GPHN: variants seen among roughly 807,000 people sequenced by gnomAD.
The protein encoded by GPHN is gephyrin.
Under a neutral mutation model 95.5 loss-of-function variants are expected in GPHN, and 17 were observed. The ratio of observed to expected loss-of-function variants is 0.18; its 90% CI spans 0.12 to 0.27. GPHN has a LOEUF of 0.27. Among genes scored for constraint, GPHN ranks in the 10% least tolerant of loss-of-function variants. GPHN has a pLI of 1.00. For synonymous variants in GPHN, 320 were observed against 322.5 expected (o/e 0.99, Z 0.08); for missense variants, 660 against 978.1 (o/e 0.67, Z 4.34).
chr14:67,681,155 G>A, the GPHN span, among the ~76,000 whole-genome samples: 1 of 152,182 alleles, frequency 6.6e-6, no homozygotes, highest in South Asian at 2.1e-4. Context: ...AAAAGAGGAA[G>A]AGACACCAGG....
intron 8 of GPHN, 109 bp from the exon 9 acceptor site, chr14:66,965,082 C>A: frequency 2.3e-6 from 2 of 886,112 alleles, no homozygotes; most frequent in Middle Eastern, 3.3e-4. Flanking sequence ...TAAGTGACAC[C>A]AAATATGTCA....
At chr14:67,670,031 G>A in the GPHN span, among the ~76,000 whole-genome samples, 1 of 152,198 alleles carries the variant, frequency 6.6e-6, no homozygotes, top group Admixed American at 6.5e-5. Context: ...GGAAGCCAAG[G>A]CTGCAGTGAG....
chr14:67,555,682 C>A, the GPHN span: 1 of 1,208,624 alleles, frequency 8.3e-7, no homozygotes, highest in Non-Finnish European at 1.2e-6. Flanking sequence ...AAATCCTTAC[C>A]CTGACACTCT....
chr14:67,311,043 G>A, the GPHN span, among the ~76,000 whole-genome samples: 1 of 152,138 alleles, frequency 6.6e-6, no homozygotes, highest in Admixed American at 6.5e-5. Flanking sequence ...CAGGCGTGGT[G>A]GCTCGTGTCT....
the GPHN span, chr14:67,340,609 T>C: frequency 3.6e-6 from 4 of 1,112,310 alleles, no homozygotes; most frequent in African/African-American, 4.7e-5. Context: ...TATTTTTTCC[T>C]AATTGTAAAA....
At chr14:66,584,847 C>T (rs1269072435) in intron 1 of GPHN, among the ~76,000 whole-genome samples, 1 of 152,052 alleles carries the variant, frequency 6.6e-6, no homozygotes, top group Non-Finnish European at 1.5e-5. Context: ...GTCTGAAATT[C>T]TCTTTTTTGG....
the GPHN span, among the ~76,000 whole-genome samples, chr14:67,427,544 G>A: frequency 6.6e-5 from 10 of 152,140 alleles, no homozygotes; most frequent in African/African-American, 2.2e-4. Context: ...ACCCCAGGTC[G>A]GCGGCCCAGG....
the GPHN span, among the ~76,000 whole-genome samples, chr14:67,328,118 A>G: frequency 1.3e-5 from 2 of 152,148 alleles, no homozygotes; most frequent in Non-Finnish European, 2.9e-5. Flanking sequence ...AAGTGTTCCT[A>G]TTTCTCCACA....
chr14:66,924,581 A>G (rs2153562429), intron 8 of GPHN, among the ~76,000 whole-genome samples: 2 of 152,324 alleles, frequency 1.3e-5, no homozygotes, highest in Admixed American at 1.3e-4. Context: ...TTTTTGTCTT[A>G]CCAATTTCAT....
At chr14:67,079,013 A>G (rs1260997552) in intron 11 of GPHN, among the ~76,000 whole-genome samples, 1 of 152,130 alleles carries the variant, frequency 6.6e-6, no homozygotes, top group Non-Finnish European at 1.5e-5. Flanking sequence ...CCTTAAATAT[A>G]GCAACCACTA....
chr14:67,398,171 G>C, the GPHN span: 3 of 182,618 alleles, frequency 1.6e-5, no homozygotes, highest in Admixed American at 1.9e-4. Flanking sequence ...TTTGCCTTCT[G>C]GTTTTTTAAA....
chr14:67,342,223 T>TTAAAA, the GPHN span, among the ~76,000 whole-genome samples: 1,144 of 93,316 alleles, frequency 0.012, 15 homozygotes, highest in African/African-American at 0.063. Context: ...TAAAATAAAA[T>TTAAAA]AAAAAAAAAC....
At chr14:66,764,440 G>GT (rs1027926305) in intron 2 of GPHN, among the ~76,000 whole-genome samples, 249 of 147,172 alleles carry the variant, frequency 1.7e-3, no homozygotes, top group African/African-American at 4.3e-3. Flanking sequence ...TATATGGTAG[G>GT]TTTTTTTTTT....
At chr14:67,463,048 C>A in the GPHN span, among the ~76,000 whole-genome samples, 16 of 152,316 alleles carry the variant, frequency 1.1e-4, no homozygotes, top group Admixed American at 2.0e-4. Context: ...CCAAGCAAAC[C>A]AAGTCAGCTG....
intron 9 of GPHN, among the ~76,000 whole-genome samples, chr14:67,016,196 C>A (rs1344650440): frequency 1.3e-5 from 2 of 151,826 alleles, no homozygotes; most frequent in African/African-American, 2.4e-5. Flanking sequence ...TGCCATGGAC[C>A]CATGTGGTAC....
the GPHN span, among the ~76,000 whole-genome samples, chr14:67,680,122 TCTATTTTCAA>T: frequency 6.6e-6 from 1 of 152,214 alleles, no homozygotes; most frequent in Non-Finnish European, 1.5e-5. Flanking sequence ...GGTCCAGGAA[TCTATTTTCAA>T]CTAGTTTTCC....
At chr14:67,335,680 A>G in the GPHN span, 1 of 152,686 alleles carries the variant, frequency 6.5e-6, no homozygotes, top group East Asian at 1.9e-4. Flanking sequence ...TTTAGCCTTA[A>G]TAAAGGTAAC....
At chr14:66,891,786 A>G (rs548026015) in intron 5 of GPHN, among the ~76,000 whole-genome samples, 21 of 152,150 alleles carry the variant, frequency 1.4e-4, no homozygotes, top group Admixed American at 1.2e-3. Context: ...CTACAAGTCA[A>G]TAAAGAAAAT....
chr14:66,904,879 T>C (rs1319622138), intron 5 of GPHN, among the ~76,000 whole-genome samples: 1 of 152,154 alleles, frequency 6.6e-6, no homozygotes, highest in African/African-American at 2.4e-5. Flanking sequence ...CTCTGATTGA[T>C]TATTGTATGC....
Sources: gnomAD v4.1 joint callset for allele counts (sites outside exome capture counted in the v4.1 genomes callset) on GRCh38, gnomAD v4.1.1 for gene constraint, MANE v1.5 for transcripts, NCBI Gene and HGNC (gene_info 2026-07-23, HGNC 2026-07-21) for gene names.